CLEC12A: variants seen among roughly 807,000 people sequenced by gnomAD.
The protein encoded by CLEC12A is C-type lectin protein CLL-1.
Under a neutral mutation model 26.5 loss-of-function variants are expected in CLEC12A, and 22 were observed. That is an observed-to-expected ratio of 0.83 (90% CI 0.59 to 1.19). The LOEUF (loss-of-function observed/expected upper bound fraction) is 1.19. Among genes scored for constraint, CLEC12A ranks in the 50% most tolerant of loss-of-function variants. The probability of loss-of-function intolerance (pLI) is 0.00; values close to 1 mark genes in which losing one functional copy is unlikely to be tolerated. For missense variants in CLEC12A, 353 were observed against 315.6 expected (o/e 1.12, Z -0.90); for synonymous variants, 119 against 101.9 (o/e 1.17, Z -1.01).
intron 1 of CLEC12A, among the ~76,000 whole-genome samples, chr12:9,962,816 G>C (rs1030965865): frequency 2.0e-5 from 3 of 152,170 alleles, no homozygotes; most frequent in African/African-American, 7.2e-5. Context: ...GGGATAGGAT[G>C]GTTTAGCTTG....
rs554648723 is a variant in CLEC12A, at chr12:9,974,235, T to C, written c.91+2548T>C. Among the ~76,000 whole-genome samples, 8 of 152,310 alleles carry C rather than the reference T, an allele frequency of 5.3e-5. No homozygotes were observed. In the South Asian group the frequency reaches 1.7e-3, roughly 32 times the overall value. ...GCACATCCCTCCTGACACATCCTCA[T>C]GGCTTCTCCTGTCACCATGCCTGCC... On this transcript the variant is annotated intron_variant, in intron 1 of 5. Transcript: ENST00000304361.
chr12:9,952,444 C>T (rs1235064103), intron 1 of CLEC12A: 7 of 154,430 alleles, frequency 4.5e-5, no homozygotes, highest in South Asian at 1.4e-4. Context: ...CCCGAGGTGC[C>T]GGGATTGCAG....
chr12:9,986,780 C>T (rs1176193941), downstream of CLEC12A, among the ~76,000 whole-genome samples: 2 of 152,144 alleles, frequency 1.3e-5, no homozygotes, highest in Non-Finnish European at 2.9e-5. Flanking sequence ...CACTGCACTC[C>T]AGCCTGGGTG....
chr12:9,979,098 T>A, intron 2 of CLEC12A, 34 bp downstream of exon 2: 1 of 1,509,402 alleles, frequency 6.6e-7, no homozygotes, highest in Non-Finnish European at 9.2e-7. Flanking sequence ...CAAGAGGAAG[T>A]ATCTAGAATT....
chr12:9,967,657 G>A (rs1209790918), upstream of CLEC12A, among the ~76,000 whole-genome samples: 8 of 151,988 alleles, frequency 5.3e-5, no homozygotes, highest in Admixed American at 5.2e-4. Flanking sequence ...TTGCCGCTAA[G>A]GGTGAAGGAG....
At chr12:9,958,536 C>T (rs1045174427) in intron 1 of CLEC12A, among the ~76,000 whole-genome samples, 1 of 152,196 alleles carries the variant, frequency 6.6e-6, no homozygotes, top group African/African-American at 2.4e-5. Context: ...TCCATAACAA[C>T]TGTTTCAGTA....
intron 1 of CLEC12A, among the ~76,000 whole-genome samples, chr12:9,957,739 C>T (rs905176134): frequency 6.6e-6 from 1 of 152,282 alleles, no homozygotes; most frequent in East Asian, 1.9e-4. Context: ...CAAGTTCTAT[C>T]CTTTGTCCCA....
intron 1 of CLEC12A, among the ~76,000 whole-genome samples, chr12:9,956,155 A>G (rs911142496): frequency 6.6e-6 from 1 of 152,238 alleles, no homozygotes; most frequent in African/African-American, 2.4e-5. Flanking sequence ...CATCCAATCA[A>G]TATTTTAAGA....
chr12:9,974,332 T>C (rs1475679309), intron 1 of CLEC12A, among the ~76,000 whole-genome samples: 1 of 152,166 alleles, frequency 6.6e-6, no homozygotes, highest in East Asian at 1.9e-4. Context: ...AGCCCTGTCC[T>C]GGGTCCCGTT....
chr12:9,965,926 GAGATACAAGGGGA>G (rs1482740737), intron 1 of CLEC12A, among the ~76,000 whole-genome samples: 2 of 152,030 alleles, frequency 1.3e-5, no homozygotes, highest in African/African-American at 2.4e-5. Flanking sequence ...TTAAGGTGGG[GAGATACAAGGGGA>G]GGATGTGAAG....
downstream of CLEC12A, chr12:9,997,114 G>C: frequency 6.2e-7 from 1 of 1,610,650 alleles, no homozygotes; most frequent in Non-Finnish European, 8.5e-7. Flanking sequence ...TCAGAGAAAT[G>C]CTCCAGGGGT....
downstream of CLEC12A, chr12:9,997,256 G>A (rs776122981): frequency 6.2e-7 from 1 of 1,612,022 alleles, no homozygotes; most frequent in Non-Finnish European, 8.5e-7. Flanking sequence ...TTCTCACCTT[G>A]TAGGTAATTG....
chr12:9,971,642 A>G lies in CLEC12A; in HGVS notation c.46A>G (p.Ser16Gly), dbSNP rs1864128739. The change falls in exon 1 of 6, where the codon AGT becomes GGT. Residue 16 changes from serine (S) to glycine (G), a missense_variant. Physicochemically the swap from Ser to Gly is moderately conservative, Grantham distance 56 (BLOSUM62 0). Transcript: ENST00000304361. ...TYADLQFQNS[S>G]EMEKIPEIGK... ...TGCAGATCTTCAATTCCAGAACTCC[A>G]GTGAGATGGAAAAAATCCCAGAAAT... is the stretch of plus-strand genomic sequence containing the variant. The G allele has an allele frequency of 3.1e-6, 5 of 1,610,396 alleles. No homozygotes were observed. Among genetic ancestry groups the G allele is most frequent in the Admixed American group, 1.7e-5 (1 of 59,636 alleles).
chr12:9,967,328 C>T (rs958038329), upstream of CLEC12A, among the ~76,000 whole-genome samples: 17 of 151,928 alleles, frequency 1.1e-4, no homozygotes, highest in Middle Eastern at 3.2e-3. Flanking sequence ...CACCTCAGAC[C>T]GTTTGCCTAT....
chr12:9,978,286 TTTAAA>T (rs1864416236), intron 1 of CLEC12A, among the ~76,000 whole-genome samples: 1 of 152,162 alleles, frequency 6.6e-6, no homozygotes, highest in Non-Finnish European at 1.5e-5. Context: ...CTGTTTTTTT[TTTAAA>T]TAGAGAAATG....
chr12:9,998,769 T>C (rs553878422), downstream of CLEC12A, among the ~76,000 whole-genome samples: 38 of 152,296 alleles, frequency 2.5e-4, no homozygotes, highest in East Asian at 6.9e-3. Flanking sequence ...AAATTTCCAC[T>C]CTTTTCCGTT....
At chr12:9,969,439 A>G (rs1167851835), upstream of CLEC12A, among the ~76,000 whole-genome samples, 2 of 152,226 alleles carry the variant, frequency 1.3e-5, no homozygotes, top group Non-Finnish European at 2.9e-5. Flanking sequence ...CCATGTAGTC[A>G]TCTCAGAGCT....
intron 3 of CLEC12A, 68 bp from the exon 4 acceptor site, chr12:9,980,514 G>C: frequency 7.0e-7 from 1 of 1,420,874 alleles, no homozygotes; most frequent in South Asian, 1.3e-5. Context: ...CACACAGAGA[G>C]GAAAGGAAAT....
downstream of CLEC12A, chr12:9,985,722 T>A (rs1864749389): frequency 2.8e-6 from 1 of 352,056 alleles, no homozygotes; most frequent in Non-Finnish European, 5.1e-6. Flanking sequence ...TATAGATAGA[T>A]ATGTTTATCT....
Sources: allele counts gnomAD v4.1 joint callset (sites outside exome capture counted in the v4.1 genomes callset), GRCh38; gene constraint gnomAD v4.1.1; transcripts MANE v1.5; gene names NCBI Gene and HGNC (gene_info 2026-07-23, HGNC 2026-07-21).